Variants in CRPPA observed in about 807,000 individuals in gnomAD.
CRPPA encodes CDP-L-ribitol pyrophosphorylase A.
A neutral mutation model predicts 52.0 loss-of-function variants in CRPPA; 43 were observed. The observed-to-expected ratio is 0.83, with a 90% CI of 0.65 to 1.07. CRPPA has a LOEUF of 1.07. Ranked by LOEUF, CRPPA falls within the 50% of genes least tolerant of loss-of-function variation. CRPPA has a pLI of 0.00. For missense variants in CRPPA, 629 were observed against 551.7 expected (o/e 1.14, Z -1.40); for synonymous variants, 250 against 203.5 (o/e 1.23, Z -1.94).
intron 4 of CRPPA, among the ~76,000 whole-genome samples, chr7:16,302,129 T>C (rs1784800468): frequency 6.6e-6 from 1 of 151,926 alleles, no homozygotes; most frequent in Non-Finnish European, 1.5e-5. Flanking sequence ...ACCCCGTCTC[T>C]ACTAAAAATA....
At chr7:16,306,624 C>T (rs1784918676) in intron 4 of CRPPA, among the ~76,000 whole-genome samples, 1 of 152,148 alleles carries the variant, frequency 6.6e-6, no homozygotes, top group South Asian at 2.1e-4. Flanking sequence ...GGATTATTGA[C>T]ATGTCAGTAG....
rs970745857 is a variant in CRPPA at position 16,212,279 on chromosome 7, A to G, written c.1251+3787T>C. Among the ~76,000 whole-genome samples the G allele has an allele frequency of 6.6e-5, 10 of 152,250 alleles. No individual in the cohort carries two copies. The East Asian group carries it at 1.9e-3, about 29-fold the overall frequency. On this transcript the variant is annotated intron_variant, in intron 9 of 9. Transcript: ENST00000407010. ...ATGTCCCCATCCAATTAAAATACTGACTAAGCTACATTGCTTTCAAAAGTT... is the reference window on the plus strand; with the variant it reads ...ATGTCCCCATCCAATTAAAATACTGGCTAAGCTACATTGCTTTCAAAAGTT...
At chr7:16,318,129 C>G (rs185765467) in intron 3 of CRPPA, among the ~76,000 whole-genome samples, 1 of 152,222 alleles carries the variant, frequency 6.6e-6, no homozygotes, top group East Asian at 1.9e-4. Flanking sequence ...CTGAGGCATC[C>G]AACCCCGTGA....
chr7:16,175,673 T>A (rs1050469558), intron 9 of CRPPA, among the ~76,000 whole-genome samples: 2 of 152,180 alleles, frequency 1.3e-5, no homozygotes, highest in Non-Finnish European at 2.9e-5. Flanking sequence ...TATATTTCTA[T>A]GCTAGTCTAC....
intron 9 of CRPPA, among the ~76,000 whole-genome samples, chr7:16,209,445 T>C (rs1418570559): frequency 1.3e-5 from 2 of 151,972 alleles, no homozygotes; most frequent in Non-Finnish European, 1.5e-5. Flanking sequence ...CTAATTTTTG[T>C]ACGTTTAGTA....
intron 9 of CRPPA, among the ~76,000 whole-genome samples, chr7:16,162,549 T>C (rs1452202831): frequency 6.6e-6 from 1 of 152,226 alleles, no homozygotes; most frequent in Non-Finnish European, 1.5e-5. Context: ...AGATTGTTTG[T>C]TATGATTTCC....
At chr7:16,205,032 G>A (rs560471638) in intron 9 of CRPPA, among the ~76,000 whole-genome samples, 1 of 152,244 alleles carries the variant, frequency 6.6e-6, no homozygotes, top group Non-Finnish European at 1.5e-5. Flanking sequence ...CAGCTGAAAA[G>A]ATCTTTAATC....
intron 9 of CRPPA, among the ~76,000 whole-genome samples, chr7:16,112,749 G>C (rs1782292724): frequency 6.6e-6 from 1 of 152,098 alleles, no homozygotes; most frequent in Non-Finnish European, 1.5e-5. Flanking sequence ...TTTGTCCAAT[G>C]ATGAAATAAG....
chr7:16,170,179 A>T (rs1033952952), intron 9 of CRPPA, among the ~76,000 whole-genome samples: 1 of 152,164 alleles, frequency 6.6e-6, no homozygotes, highest in Admixed American at 6.5e-5. Flanking sequence ...GCTCCTTAAC[A>T]GTGTTATTTG....
chr7:16,158,022 G>A (rs1783221984), intron 9 of CRPPA, among the ~76,000 whole-genome samples: 1 of 151,006 alleles, frequency 6.6e-6, no homozygotes, highest in African/African-American at 2.4e-5. Flanking sequence ...CTACAGGCAC[G>A]TGCCACCACG....
At chr7:16,307,850 C>T (rs905788277) in intron 4 of CRPPA, among the ~76,000 whole-genome samples, 5 of 151,016 alleles carry the variant, frequency 3.3e-5, no homozygotes, top group Non-Finnish European at 7.4e-5. Context: ...GGAGCAACCA[C>T]CCAGGGCCTG....
chr7:16,172,799 A>G (rs1039680436), intron 9 of CRPPA, among the ~76,000 whole-genome samples: 7 of 152,198 alleles, frequency 4.6e-5, no homozygotes, highest in Non-Finnish European at 1.0e-4. Context: ...GGGGTGGGAT[A>G]GATCTTTTAA....
chr7:16,400,695 G>A (rs1196261724), intron 2 of CRPPA, among the ~76,000 whole-genome samples: 1 of 152,098 alleles, frequency 6.6e-6, no homozygotes, highest in Non-Finnish European at 1.5e-5. Flanking sequence ...TAACCAACTC[G>A]TGTATGACAC....
At chr7:16,251,545 A>G (rs1783448783) in intron 8 of CRPPA, among the ~76,000 whole-genome samples, 1 of 152,210 alleles carries the variant, frequency 6.6e-6, no homozygotes, top group African/African-American at 2.4e-5. Flanking sequence ...CCACAACGAA[A>G]TCAAATTAGA....
At chr7:16,316,726 G>A (rs1355617461) in intron 3 of CRPPA, among the ~76,000 whole-genome samples, 1 of 152,002 alleles carries the variant, frequency 6.6e-6, no homozygotes, top group African/African-American at 2.4e-5. Context: ...GTGTTGGGGT[G>A]CGTTCCTGTA....
intron 3 of CRPPA, among the ~76,000 whole-genome samples, chr7:16,317,387 A>T (rs1455044345): frequency 1.3e-5 from 2 of 152,188 alleles, no homozygotes; most frequent in Non-Finnish European, 2.9e-5. Context: ...TAAATTGTTA[A>T]CCCTAAAAAT....
intron 9 of CRPPA, among the ~76,000 whole-genome samples, chr7:16,185,191 T>A (rs1220361563): frequency 6.6e-6 from 1 of 152,162 alleles, no homozygotes. Context: ...TGGCAGAAAG[T>A]GAAAGGCGTG....
At chr7:16,268,871 C>G (rs1003582641) in intron 6 of CRPPA, 2 of 152,242 alleles carry the variant, frequency 1.3e-5, no homozygotes, top group African/African-American at 4.8e-5. Flanking sequence ...CTGCTCACCA[C>G]CAATTTCATC....
intron 8 of CRPPA, among the ~76,000 whole-genome samples, chr7:16,217,193 C>A (rs1446596458): frequency 1.4e-5 from 2 of 144,442 alleles, no homozygotes; most frequent in African/African-American, 5.1e-5. Context: ...TGACACCTCA[C>A]ACGGCAGGGT....
Sources: allele counts gnomAD v4.1 joint callset (sites outside exome capture counted in the v4.1 genomes callset), GRCh38; gene constraint gnomAD v4.1.1; transcripts MANE v1.5; gene names NCBI Gene and HGNC (gene_info 2026-07-23, HGNC 2026-07-21).